PRAME: variants seen among roughly 807,000 people sequenced by gnomAD.
The protein encoded by PRAME is melanoma antigen preferentially expressed in tumors.
A neutral mutation model predicts 32.1 loss-of-function variants in PRAME; 21 were observed. The ratio of observed to expected loss-of-function variants is 0.65; its 90% CI spans 0.46 to 0.94. PRAME has a LOEUF of 0.94. PRAME is among the 40% of genes least tolerant of loss of function. The pLI, the probability that PRAME is intolerant of heterozygous loss-of-function variation, is 0.00. For missense variants in PRAME, 651 were observed against 622.3 expected, an observed-to-expected ratio of 1.05 and a Z score of -0.49; for synonymous variants, 274 against 251.5, an observed-to-expected ratio of 1.09 and a Z score of -0.85.
intron 3 of PRAME, chr22:22,555,763 C>G (rs1163750073): frequency 4.7e-6 from 2 of 427,592 alleles, no homozygotes; most frequent in East Asian, 7.5e-5. Context: ...CATGTTCTCC[C>G]TGATCTCCCC....
chr22:22,555,312 C>G (rs184119545), intron 3 of PRAME, among the ~76,000 whole-genome samples: 90 of 151,968 alleles, frequency 5.9e-4, no homozygotes, highest in African/African-American at 2.1e-3. Context: ...TCTTGGCTCA[C>G]TGCAACCTCT....
In PRAME at chr22:22,548,011, C is replaced by T; in HGVS notation, c.*56G>A. The T allele has an allele frequency of 3.3e-6, 5 of 1,520,460 alleles. No individual in the cohort carries two copies. The highest frequency in any genetic ancestry group is 1.3e-5 in the South Asian group (1 of 78,610). 94.2% of individuals were successfully genotyped at this position (1,520,460 alleles called of 1,614,324 possible). ...GCTTTGTTGCTTCAAGATGCATGCACATCCTGGCTTTAGTGTCCAAGTATG... is the reference window on the plus strand; with the variant it reads ...GCTTTGTTGCTTCAAGATGCATGCATATCCTGGCTTTAGTGTCCAAGTATG... On this transcript the variant is annotated 3_prime_UTR_variant, in exon 6 of 6. Transcript: ENST00000405655.
In PRAME at chr22:22,559,168, TAC is replaced by T. The variant is rs2063181186; in HGVS notation, c.-313_-312del. The stretch of plus-strand genomic sequence containing the variant: ...TCAGGGCTGCTCCTTTTGTCGCCAA[TAC>T]AGACCTGTTGACAGGTCACGCCTGG... On this transcript the variant is annotated 5_prime_UTR_variant, in exon 1 of 6. Coordinates refer to ENST00000405655, the MANE Select transcript of PRAME (RefSeq NM_206956.3). 1 of 273,606 alleles carries T rather than the reference TAC, an allele frequency of 3.7e-6. No homozygotes were observed. Among genetic ancestry groups the T allele is most frequent in the South Asian group, 3.2e-5 (1 of 31,572 alleles). 16.9% of individuals were successfully genotyped at this position (273,606 alleles called of 1,614,324 possible). A position where few individuals can be genotyped will look rare whatever the true frequency, so the allele number is the denominator to read the frequency against.
Position 22,552,313 on chromosome 22 carries a change from A to T in PRAME, c.22-1224T>A, listed in dbSNP as rs114984451. Among the ~76,000 whole-genome samples the T allele has an allele frequency of 2.7e-3, 412 of 151,614 alleles. 3 individuals are homozygous for T. Among genetic ancestry groups the T allele is most frequent in the African/African-American group, 9.6e-3 (398 of 41,426 alleles). ...AGCCTAACTAGTAAATCACTGATTT[A>T]AAAAATCATAAATGATGCAAATTAT... is the stretch of plus-strand genomic sequence containing the variant. On this transcript the variant is annotated intron_variant, in intron 3 of 5. Transcript: ENST00000405655.
rs546304889 is a variant in PRAME, at chr22:22,552,120, T to TA, written c.22-1032dup. The stretch of plus-strand genomic sequence containing the variant: ...CAACACAAGGAGACCTCATCTCTAT[T>TA]AAAAAAAAAAAAAAGAAAAAAAAGA... On this transcript the variant is annotated intron_variant, in intron 3 of 5. Transcript: ENST00000405655. Among the ~76,000 whole-genome samples, 775 of 119,742 alleles carry TA rather than the reference T, an allele frequency of 6.5e-3. 11 individuals are homozygous for TA. Among genetic ancestry groups the TA allele is most frequent in the South Asian group, 0.053 (206 of 3,908 alleles). The allele number at this position is 119,742 out of a possible 152,430, so 78.6% of individuals were successfully genotyped here.
At chr22:22,555,036 C>A (rs1292931542) in intron 3 of PRAME, among the ~76,000 whole-genome samples, 7 of 152,012 alleles carry the variant, frequency 4.6e-5, no homozygotes, top group Middle Eastern at 3.2e-3. Context: ...CACAAAGGTG[C>A]TGTCCTTCCT....
intron 2 of PRAME, chr22:22,557,184 G>A (rs1436833208): frequency 3.3e-5 from 12 of 368,276 alleles, no homozygotes; most frequent in African/African-American, 1.9e-4. Context: ...CGACATTTCT[G>A]CCTCTGCTCC....
chr22:22,556,870 C>T lies in PRAME; in HGVS notation c.-38G>A, dbSNP rs2062959037. ...TAGGCTGGCCTCAGGACCTCCAACG[C>T]TTGGATTTCTAGGTCTCAGTCACTT... On this transcript the variant is annotated 5_prime_UTR_variant, in exon 3 of 6. Transcript: ENST00000405655. 3.7e-6 allele frequency: 6 copies of T among 1,612,660 alleles called. No homozygotes were observed. Among genetic ancestry groups the T allele is most frequent in the Non-Finnish European group, 5.1e-6 (6 of 1,179,754 alleles).
chr22:22,553,796 C>T, intron 3 of PRAME: 1 of 984,984 alleles, frequency 1.0e-6, no homozygotes, highest in South Asian at 4.7e-5. Flanking sequence ...GCTGAAAGCA[C>T]ACATCCCTGC....
At chr22:22,551,110 C>G in intron 3 of PRAME, 21 bp from the exon 4 acceptor site, 4 of 1,534,156 alleles carry the variant, frequency 2.6e-6, no homozygotes, top group Non-Finnish European at 3.5e-6. Flanking sequence ...ATACAGGGAA[C>G]AAGGCATCCC....
At chr22:22,553,974 T>C in intron 3 of PRAME, 2 of 985,232 alleles carry the variant, frequency 2.0e-6, no homozygotes, top group Non-Finnish European at 2.4e-6. Flanking sequence ...ACAGCTGTTC[T>C]TTCTTGCCCC....
chr22:22,553,081 T>A, intron 3 of PRAME: 1 of 374,362 alleles, frequency 2.7e-6, no homozygotes, highest in South Asian at 2.0e-5. Flanking sequence ...AAAGAAAAAG[T>A]GAACAAAACC....
intron 4 of PRAME, 32 bp downstream of exon 4, chr22:22,550,735 G>A (rs767528497): frequency 1.2e-5 from 18 of 1,539,378 alleles, no homozygotes; most frequent in Admixed American, 1.9e-5. Flanking sequence ...AGGTTCCCAG[G>A]GCCCCACACC....
Position 22,559,235 on chromosome 22 carries a change from C to T in PRAME, c.-378G>A. On this transcript the variant is annotated 5_prime_UTR_variant, in exon 1 of 6. Transcript: ENST00000405655. ...GTCCCGGAGCGGTGCTGAGGCGCTG[C>T]AGGCCCGGCTTCTGGCTGCGGGGGA... 1 of 310,740 alleles carries T rather than the reference C, an allele frequency of 3.2e-6. No homozygotes were observed. The allele number at this position is 310,740 out of a possible 1,614,324, so 19.2% of individuals were successfully genotyped here. A position where few individuals can be genotyped will look rare whatever the true frequency, so the allele number is the denominator to read the frequency against.
In PRAME at chr22:22,548,028, C is replaced by T. The variant is rs780763657; in HGVS notation, c.*39G>A. 1.3e-6 allele frequency: 2 copies of T among 1,557,778 alleles called. No individual in the cohort carries two copies. Among genetic ancestry groups the T allele is most frequent in the South Asian group, 2.4e-5 (2 of 82,292 alleles). On this transcript the variant is annotated 3_prime_UTR_variant, in exon 6 of 6. Coordinates refer to ENST00000405655, the MANE Select transcript of PRAME (RefSeq NM_206956.3). ...TGCATGCACATCCTGGCTTTAGTGT[C>T]CAAGTATGCAGAATGAAGCATTTGA...
chr22:22,554,966 A>G lies in PRAME; in HGVS notation c.21+1846T>C, dbSNP rs980396828. Among the ~76,000 whole-genome samples the G allele has an allele frequency of 2.0e-5, 3 of 152,072 alleles. No individual in the cohort carries two copies. The South Asian group carries it at 6.2e-4, about 32-fold the overall frequency. ...GTGAGGCAGTGACACTCCTCTGTCCAGCTTCACACTGCCAGTTTGTCCAGT... is the reference window on the plus strand; with the variant it reads ...GTGAGGCAGTGACACTCCTCTGTCCGGCTTCACACTGCCAGTTTGTCCAGT... On this transcript the variant is annotated intron_variant, in intron 3 of 5. Transcript: ENST00000405655.
Position 22,549,987 on chromosome 22 carries a change from T to C in PRAME, c.692A>G (p.Gln231Arg), listed in dbSNP as rs770764905. The part of the protein sequence containing the change: ...QDIKMILKMV[Q>R]LDSIEDLEVT... ...TTCCAAATCTTCAATAGAGTCCAGC[T>C]GCACCATTTTCAGGATCATCTTGAT... The change falls in exon 5 of 6, where the codon CAG becomes CGG. Residue 231 changes from glutamine (Q) to arginine (R), a missense_variant. Gln to Arg is a conservative substitution (Grantham distance 43). Coordinates refer to ENST00000405655, the MANE Select transcript of PRAME (RefSeq NM_206956.3). 4 of 1,613,808 alleles carry C rather than the reference T, an allele frequency of 2.5e-6. No homozygotes were observed. The Admixed American group carries it at 5.0e-5, about 20-fold the overall frequency.
chr22:22,559,109 G>T lies in PRAME; in HGVS notation c.-252C>A, dbSNP rs948553366. The T allele has an allele frequency of 5.0e-6, 1 of 198,400 alleles. No individual in the cohort carries two copies. The highest frequency in any genetic ancestry group is 7.8e-5 in the South Asian group (1 of 12,858). The allele number at this position is 198,400 out of a possible 1,614,324, so 12.3% of individuals were successfully genotyped here. On this transcript the variant is annotated 5_prime_UTR_variant, in exon 1 of 6. Coordinates refer to ENST00000405655, the MANE Select transcript of PRAME (RefSeq NM_206956.3). ...CATTCACGCCCCTCCCCTCCCCCGA[G>T]CCTGCAGAGGACTCCGCCCTGCTTT...
At position 22,558,868 on chromosome 22, in the gene PRAME, C is replaced by A. The variant is rs2063162497; in HGVS notation, c.-114+103G>T. ...TCTCGCCCCACCCCGCCCCGCAAGT[C>A]TAGAAAAGATGCCCCTGGCCTTGGC... On this transcript the variant is annotated intron_variant, in intron 1 of 5. Coordinates refer to ENST00000405655, the MANE Select transcript of PRAME (RefSeq NM_206956.3). 2.0e-5 allele frequency: 3 copies of A among 151,908 alleles called. 1 individual carries two copies. The highest frequency in any genetic ancestry group is 2.9e-5 in the Non-Finnish European group (2 of 68,232). 9.4% of individuals were successfully genotyped at this position (151,908 alleles called of 1,614,324 possible).
Sources: allele counts gnomAD v4.1 joint callset (sites outside exome capture counted in the v4.1 genomes callset), GRCh38; gene constraint gnomAD v4.1.1; transcripts MANE v1.5; gene names NCBI Gene and HGNC (gene_info 2026-07-23, HGNC 2026-07-21).